Variants in EPGN observed in about 807,000 individuals in gnomAD.
EPGN encodes the protein epithelial mitogen.
Under a neutral mutation model 20.7 loss-of-function variants are expected in EPGN, and 21 were observed. The ratio of observed to expected loss-of-function variants is 1.01; its 90% CI spans 0.72 to 1.46. The LOEUF (loss-of-function observed/expected upper bound fraction) is 1.46. Among genes scored for constraint, EPGN ranks in the 40% most tolerant of loss-of-function variants. EPGN has a pLI of 0.00. For missense variants in EPGN, 199 were observed against 180.7 expected (o/e 1.10, Z -0.58); for synonymous variants, 69 against 63.8 (o/e 1.08, Z -0.39).
intron 1 of EPGN, 134 bp from the exon 2 acceptor site, chr4:74,308,959 T>G: frequency 2.9e-6 from 2 of 683,202 alleles, no homozygotes; most frequent in Non-Finnish European, 5.0e-6. Flanking sequence ...GTTGCCCTAG[T>G]CACGTTATGG....
At chr4:74,309,899 C>T (rs905223418) in intron 2 of EPGN, among the ~76,000 whole-genome samples, 3 of 152,060 alleles carry the variant, frequency 2.0e-5, no homozygotes, top group African/African-American at 7.2e-5. Context: ...TGAAGGCTGG[C>T]AATTTGATTT....
At chr4:74,308,945 G>C (rs917167866) in intron 1 of EPGN, 148 bp from the exon 2 acceptor site, 3 of 628,982 alleles carry the variant, frequency 4.8e-6, no homozygotes, top group Non-Finnish European at 5.6e-6. Flanking sequence ...GAAACTGTAA[G>C]TATGTTGCCC....
At chr4:74,313,320 T>A in intron 4 of EPGN, 150 bp downstream of exon 4, 1 of 1,405,928 alleles carries the variant, frequency 7.1e-7, no homozygotes, top group Non-Finnish European at 9.2e-7. Flanking sequence ...TGTAATATTT[T>A]TCATGCCTTT....
At chr4:74,313,266 T>C in intron 4 of EPGN, 96 bp downstream of exon 4, 1 of 1,430,684 alleles carries the variant, frequency 7.0e-7, no homozygotes, top group South Asian at 1.6e-5. Flanking sequence ...ACATGTAAAA[T>C]TTTTTTAATT....
rs1751221738 is a variant in EPGN at position 74,315,383 on chromosome 4, T to G, written c.*746T>G. 1 of 152,252 alleles carries G rather than the reference T, an allele frequency of 6.6e-6. No individual in the cohort carries two copies. Among genetic ancestry groups the G allele is most frequent in the Non-Finnish European group, 1.5e-5 (1 of 68,048 alleles). The allele number at this position is 152,252 out of a possible 1,614,324, so 9.4% of individuals were successfully genotyped here. ...TTTCTACATGGATTATAAAACTTTG[T>G]GTTGGACTCATTGGTCCCTAATGCT... On this transcript the variant is annotated 3_prime_UTR_variant, in exon 5 of 5. Transcript: ENST00000413830.
chr4:74,315,443 T>C lies in EPGN; in HGVS notation c.*806T>C, dbSNP rs1364887492. ...CACTTCTTCCAGTTATCAGTGGAATTACCTGGTGACCATTCATTTGGACCG... is the reference window on the plus strand; with the variant it reads ...CACTTCTTCCAGTTATCAGTGGAATCACCTGGTGACCATTCATTTGGACCG... On this transcript the variant is annotated 3_prime_UTR_variant, in exon 5 of 5. Transcript: ENST00000413830. 6.6e-6 allele frequency: 1 copy of C among 152,208 alleles called. No individual in the cohort carries two copies. The highest frequency in any genetic ancestry group is 1.5e-5 in the Non-Finnish European group (1 of 68,030). 9.4% of individuals were successfully genotyped at this position (152,208 alleles called of 1,614,324 possible). A position where few individuals can be genotyped will look rare whatever the true frequency, so the allele number is the denominator to read the frequency against.
intron 2 of EPGN, among the ~76,000 whole-genome samples, chr4:74,310,979 G>T (rs1560579226): frequency 6.6e-6 from 1 of 152,096 alleles, no homozygotes; most frequent in African/African-American, 2.4e-5. Flanking sequence ...GAATACAGAG[G>T]TACAACTGTA....
At chr4:74,309,043 T>C (rs748183439) in intron 1 of EPGN, 50 bp from the exon 2 acceptor site, 3 of 1,315,540 alleles carry the variant, frequency 2.3e-6, no homozygotes, top group African/African-American at 1.5e-5. Flanking sequence ...CTGTTGCTTG[T>C]ACATAGAAGG....
At position 74,315,304 on chromosome 4, in the gene EPGN, T is replaced by C. The variant is rs1411922061; in HGVS notation, c.*667T>C. ...AAATAATGGAATAAACTAAAGAGTT[T>C]CTGAAGACTGAAGCTATCTGGATAT... On this transcript the variant is annotated 3_prime_UTR_variant, in exon 5 of 5. Transcript: ENST00000413830. The C allele has an allele frequency of 6.6e-6, 1 of 152,296 alleles. No individual in the cohort carries two copies. Among genetic ancestry groups the C allele is most frequent in the African/African-American group, 2.4e-5 (1 of 41,452 alleles). 9.4% of individuals were successfully genotyped at this position (152,296 alleles called of 1,614,324 possible).
At chr4:74,310,581 T>C (rs1055136430) in intron 2 of EPGN, among the ~76,000 whole-genome samples, 3 of 152,018 alleles carry the variant, frequency 2.0e-5, no homozygotes, top group African/African-American at 7.2e-5. Flanking sequence ...TTTTTCTTCC[T>C]TAATGGTGAA....
At chr4:74,310,742 A>G (rs976289266) in intron 2 of EPGN, among the ~76,000 whole-genome samples, 10 of 152,186 alleles carry the variant, frequency 6.6e-5, no homozygotes, top group African/African-American at 1.9e-4. Flanking sequence ...AATCCCTTAT[A>G]TAAAATAGTG....
chr4:74,316,754 A>G lies in EPGN; in HGVS notation c.*2117A>G. Among the ~76,000 whole-genome samples, 1 of 152,206 alleles carries G rather than the reference A, an allele frequency of 6.6e-6. No individual in the cohort carries two copies. Among genetic ancestry groups the G allele is most frequent in the East Asian group, 1.9e-4 (1 of 5,204 alleles). On this transcript the variant is annotated 3_prime_UTR_variant, in exon 5 of 5. Coordinates refer to ENST00000413830, the MANE Select transcript of EPGN (RefSeq NM_001270989.2). ...GAAGAAACAATACAGGATTGCCTTT[A>G]ATTAATTAAGAATTGCCTCCTGATA...
chr4:74,309,304 CT>C, intron 2 of EPGN, 122 bp downstream of exon 2: 2 of 650,396 alleles, frequency 3.1e-6, no homozygotes, highest in South Asian at 6.2e-5. Context: ...ATAATCAGCT[CT>C]TTTAGCAGGA....
In EPGN at chr4:74,313,088, G is replaced by T; in HGVS notation, c.325G>T (p.Glu109Ter). The change falls in exon 4 of 5, where the codon GAA becomes TAA. Residue 109 changes from glutamate to a stop codon, truncating the protein, a stop_gained. Coordinates refer to ENST00000413830, the MANE Select transcript of EPGN (RefSeq NM_001270989.2). LOFTEE classifies it high-confidence loss of function. ...AACTTCATATGCTGTGGATTCTTAT[G>T]AAAAATACATTGCAATTGGGATTGG... is the stretch of plus-strand genomic sequence containing the variant. ...TLTSYAVDSY[E>*]KYIAIGIGVG... The T allele has an allele frequency of 1.9e-6, 3 of 1,613,242 alleles. No individual in the cohort carries two copies. Among genetic ancestry groups the T allele is most frequent in the Non-Finnish European group, 2.5e-6 (3 of 1,179,672 alleles).
intron 4 of EPGN, 75 bp from the exon 5 acceptor site, chr4:74,314,505 G>T: frequency 7.1e-7 from 1 of 1,413,980 alleles, no homozygotes; most frequent in Non-Finnish European, 9.6e-7. Flanking sequence ...ACTGCTGCAG[G>T]GTGCATTTAT....
intron 4 of EPGN, chr4:74,313,468 T>C: frequency 4.8e-6 from 6 of 1,252,494 alleles, no homozygotes; most frequent in Non-Finnish European, 3.0e-6. Flanking sequence ...CCCAAGAAAG[T>C]AGGGACTAAG....
intron 1 of EPGN, 134 bp downstream of exon 1, chr4:74,308,710 G>A: frequency 1.4e-6 from 1 of 711,312 alleles, no homozygotes; most frequent in Non-Finnish European, 2.3e-6. Flanking sequence ...ATGAATCTGT[G>A]GATTAATTTA....
chr4:74,313,633 C>G, intron 4 of EPGN: 1 of 994,528 alleles, frequency 1.0e-6, no homozygotes, highest in Non-Finnish European at 1.2e-6. Context: ...TCCCAGACGT[C>G]AACTGGGGGT....
Position 74,313,103 on chromosome 4 carries a change from A to T in EPGN, c.340A>T (p.Ile114Phe). 6.2e-7 allele frequency: 1 copy of T among 1,613,096 alleles called. No homozygotes were observed. Among genetic ancestry groups the T allele is most frequent in the Non-Finnish European group, 8.5e-7 (1 of 1,179,528 alleles). ...AVDSYEKYIA[I>F]GIGVGLLLSG... ...GGATTCTTATGAAAAATACATTGCA[A>T]TTGGGATTGGTGTTGGATTACTATT... The change falls in exon 4 of 5, where the codon ATT becomes TTT. Residue 114 changes from isoleucine (I) to phenylalanine (F), a missense_variant. By Grantham distance (21) the Ile-to-Phe change is conservative (BLOSUM62 0). Coordinates refer to ENST00000413830, the MANE Select transcript of EPGN (RefSeq NM_001270989.2).
Sources: gnomAD v4.1 joint callset for allele counts (sites outside exome capture counted in the v4.1 genomes callset) on GRCh38, gnomAD v4.1.1 for gene constraint, MANE v1.5 for transcripts, NCBI Gene and HGNC (gene_info 2026-07-23, HGNC 2026-07-21) for gene names.